TP73: variants seen among roughly 807,000 people sequenced by gnomAD.
TP73 encodes the protein tumor protein p73.
TP73 carries 25 observed loss-of-function variants against 62.5 expected under a neutral mutation model. That is an observed-to-expected ratio of 0.40 (90% CI 0.29 to 0.56). TP73 has a LOEUF of 0.56. Ranked by LOEUF, TP73 falls within the 20% of genes least tolerant of loss-of-function variation. The pLI is 0.46. For missense variants in TP73, 754 were observed against 913.3 expected (o/e 0.83, Z 2.25); for synonymous variants, 423 against 377.5 (o/e 1.12, Z -1.40).
Position 3,672,421 on chromosome 1 carries a change from G to A in TP73, c.-33-9912G>A, listed in dbSNP as rs985426189. 2.6e-5 allele frequency among the ~76,000 whole-genome samples: 4 copies of A among 152,120 alleles called. No homozygotes were observed. Among genetic ancestry groups the A allele is most frequent in the Admixed American group, 1.3e-4 (2 of 15,272 alleles). ...GAGAGGAGGATCGGAGGGGGCAGAG[G>A]ACAGGGATGTGTCTGTGCAGAACGA... is the stretch of plus-strand genomic sequence containing the variant. On this transcript the variant is annotated intron_variant, in intron 1 of 13. Coordinates refer to ENST00000378295, the MANE Select transcript of TP73 (RefSeq NM_005427.4). This position sits in a 1 kb window ranked among gnomAD's most constrained non-coding sequence, Gnocchi z 5.3.
At chr1:3,682,976 T>C in intron 2 of TP73, 84 bp from the exon 3 acceptor site, 1 of 1,517,738 alleles carries the variant, frequency 6.6e-7, no homozygotes, top group Non-Finnish European at 8.9e-7. Context: ...AGTCTCAGGC[T>C]AGCCTTGAGC....
At chr1:3,656,209 C>T (rs1644862787) in intron 1 of TP73, among the ~76,000 whole-genome samples, 1 of 151,880 alleles carries the variant, frequency 6.6e-6, no homozygotes, top group African/African-American at 2.4e-5. Context: ...TGCTCATTGG[C>T]ATTTGAGTGT....
In TP73 at chr1:3,683,151, C is replaced by T. The variant is rs754563142; in HGVS notation, c.157C>T (p.His53Tyr). 2 of 1,612,174 alleles carry T rather than the reference C, an allele frequency of 1.2e-6. No individual in the cohort carries two copies. Among genetic ancestry groups the T allele is most frequent in the African/African-American group, 1.3e-5 (1 of 74,940 alleles). Residue 53 changes from histidine to tyrosine, a missense_variant, in exon 3 of 14, where the codon CAC (histidine) becomes TAC (tyrosine). Around this residue, in one of 3 missense-constraint regions of TP73, gnomAD observed 235 missense variants for 251.4 expected, o/e 0.93. Coordinates refer to ENST00000378295, the MANE Select transcript of TP73 (RefSeq NM_005427.4). Reference sequence around the variant, plus strand: ...AACGGATTCCAGCATGGACGTCTTCCACCTGGAGGGCATGACTACATCTGT... The same window carrying T: ...AACGGATTCCAGCATGGACGTCTTCTACCTGGAGGGCATGACTACATCTGT... ...GGTDSSMDVF[H>Y]LEGMTTSVMA... is the part of the protein sequence containing the mutation.
rs772979860 is a variant in TP73, at chr1:3,735,526, T to G, written c.*2447T>G. The G allele has an allele frequency of 5.3e-5, 8 of 152,218 alleles. No individual in the cohort carries two copies. The highest frequency in any genetic ancestry group is 7.3e-5 in the Non-Finnish European group (5 of 68,036). 9.4% of individuals were successfully genotyped at this position (152,218 alleles called of 1,614,324 possible). Reference sequence around the variant, plus strand: ...TGTCTAGGGAGCCCATGCAGCCTCCTTGCACTGGAGAAGCAGCTGTGAAAG... The same window carrying G: ...TGTCTAGGGAGCCCATGCAGCCTCCGTGCACTGGAGAAGCAGCTGTGAAAG... On this transcript the variant is annotated 3_prime_UTR_variant, in exon 14 of 14. Transcript: ENST00000378295.
chr1:3,682,995 TG>T, intron 2 of TP73, 64 bp from the exon 3 acceptor site: 1 of 1,549,212 alleles, frequency 6.5e-7, no homozygotes, highest in Non-Finnish European at 8.8e-7. Context: ...GCTCTGGGCC[TG>T]GGAGGTATTG....
In TP73 at chr1:3,731,423, G is replaced by A. The variant is rs562134761; in HGVS notation, c.1485-40G>A. 36 of 1,594,522 alleles carry A rather than the reference G, an allele frequency of 2.3e-5. No homozygotes were observed. In the East Asian group the frequency reaches 3.8e-4, roughly 17 times the overall value. On this transcript the variant is annotated intron_variant, in intron 12 of 13. Coordinates refer to ENST00000378295, the MANE Select transcript of TP73 (RefSeq NM_005427.4). The stretch of plus-strand genomic sequence containing the variant: ...TGGGGGCTCGCGCAGCCCTGTGCTC[G>A]GAAGCTAATGCTGCTTCCTTTCTCA...
intron 13 of TP73, 63 bp from the exon 14 acceptor site, chr1:3,732,684 G>T: frequency 6.8e-7 from 1 of 1,463,482 alleles, no homozygotes. Context: ...CCAGGCCCAG[G>T]GCGACCCCCC....
chr1:3,727,530 C>G lies in TP73; in HGVS notation c.843-98C>G, dbSNP rs1641753619. 5.3e-6 allele frequency: 8 copies of G among 1,507,282 alleles called. No homozygotes were observed. The Admixed American group carries it at 1.0e-4, about 19-fold the overall frequency. 93.4% of individuals were successfully genotyped at this position (1,507,282 alleles called of 1,614,324 possible). ...GTGCTCTGTGGTGACCGAGGGCTCT[C>G]AAGGCCGGTCCTGCAGGGTCCGAGG... is the stretch of plus-strand genomic sequence containing the variant. On this transcript the variant is annotated intron_variant, in intron 7 of 13. Transcript: ENST00000378295.
intron 3 of TP73, among the ~76,000 whole-genome samples, chr1:3,687,727 C>T (rs1204896835): frequency 1.3e-5 from 2 of 152,178 alleles, no homozygotes; most frequent in Admixed American, 6.5e-5. Context: ...GTCCCTAGAG[C>T]CTCCTCCAGG....
intron 1 of TP73, among the ~76,000 whole-genome samples, chr1:3,661,575 G>A (rs1008653523): frequency 8.6e-5 from 13 of 151,762 alleles, no homozygotes; most frequent in African/African-American, 2.9e-4. Flanking sequence ...CAGGCATGGT[G>A]GCACATGCCT....
At chr1:3,697,510 G>T (rs1028923001) in intron 3 of TP73, among the ~76,000 whole-genome samples, 2 of 152,222 alleles carry the variant, frequency 1.3e-5, no homozygotes, top group African/African-American at 4.8e-5. Flanking sequence ...CTGGACGCCA[G>T]CCCTGGCCCC....
chr1:3,703,729 G>A (rs937311513), intron 3 of TP73, among the ~76,000 whole-genome samples: 9 of 152,254 alleles, frequency 5.9e-5, no homozygotes, highest in Admixed American at 2.0e-4. Flanking sequence ...TGTTCTCAGG[G>A]ATGGAGCAGG....
At chr1:3,731,376 C>T (rs962693393) in intron 12 of TP73, 87 bp from the exon 13 acceptor site, 2 of 1,373,560 alleles carry the variant, frequency 1.5e-6, no homozygotes, top group Non-Finnish European at 2.0e-6. Context: ...AGTCTCCGCC[C>T]CAGCCAGGCC....
At chr1:3,721,443 C>T (rs888009678) in intron 4 of TP73, among the ~76,000 whole-genome samples, 2 of 152,224 alleles carry the variant, frequency 1.3e-5, no homozygotes, top group Admixed American at 1.3e-4. Flanking sequence ...TCAGAGTCAC[C>T]AGGGCTGCTG....
chr1:3,730,274 G>A (rs1276396625), intron 11 of TP73, 126 bp downstream of exon 11: 17 of 1,164,270 alleles, frequency 1.5e-5, no homozygotes, highest in South Asian at 8.8e-5. Context: ...TCCTTCCAGC[G>A]GTTCCACCCT....
At chr1:3,677,119 C>G (rs911072076) in intron 1 of TP73, among the ~76,000 whole-genome samples, 2 of 152,092 alleles carry the variant, frequency 1.3e-5, no homozygotes, top group Non-Finnish European at 2.9e-5. Context: ...GCCACACAGT[C>G]CCCTCCCCAG....
Position 3,699,982 on chromosome 1 carries a change from A to C in TP73, c.187-7567A>C, listed in dbSNP as rs1173600832. Among the ~76,000 whole-genome samples the C allele has an allele frequency of 6.6e-6, 1 of 152,002 alleles. No homozygotes were observed. Among genetic ancestry groups the C allele is most frequent in the Non-Finnish European group, 1.5e-5 (1 of 67,964 alleles). On this transcript the variant is annotated intron_variant, in intron 3 of 13. Coordinates refer to ENST00000378295, the MANE Select transcript of TP73 (RefSeq NM_005427.4). This position sits in a 1 kb window ranked among gnomAD's most constrained non-coding sequence, Gnocchi z 4.1. Reference sequence around the variant, plus strand: ...TGATCTCCGCCAAGCCCAGGGCCCCAGGAAGCGGCCCCATCCTTGGGAGCT... The same window carrying C: ...TGATCTCCGCCAAGCCCAGGGCCCCCGGAAGCGGCCCCATCCTTGGGAGCT...
At chr1:3,675,658 G>A (rs1645348391) in intron 1 of TP73, among the ~76,000 whole-genome samples, 1 of 152,196 alleles carries the variant, frequency 6.6e-6, no homozygotes, top group African/African-American at 2.4e-5. Context: ...GGGGTGGGTA[G>A]GTAACAGCAG....
intron 1 of TP73, among the ~76,000 whole-genome samples, chr1:3,667,306 A>G (rs1645140806): frequency 6.6e-6 from 1 of 152,216 alleles, no homozygotes; most frequent in Non-Finnish European, 1.5e-5. Context: ...GCTCCCTGGT[A>G]CCCATCTCGG....
Sources: gnomAD v4.1 joint callset for allele counts (sites outside exome capture counted in the v4.1 genomes callset) on GRCh38, gnomAD v4.1.1 for gene constraint, gnomAD v4.1.1 regional missense constraint, Gnocchi (gnomAD v3.1) non-coding constraint, MANE v1.5 for transcripts, NCBI Gene and HGNC (gene_info 2026-07-23, HGNC 2026-07-21) for gene names.